The following CDH11 variants were observed in gnomAD, a reference collection of about 807,000 sequenced individuals.
CDH11 encodes cadherin 11, also known as cadherin-11.
Under a neutral mutation model 67.8 loss-of-function variants are expected in CDH11, and 11 were observed. That is an observed-to-expected ratio of 0.16 (90% CI 0.10 to 0.27). The LOEUF (loss-of-function observed/expected upper bound fraction) is 0.27, where lower values mean the gene tolerates loss of function less well. Ranked by LOEUF, CDH11 falls within the 10% of genes least tolerant of loss-of-function variation. The pLI is 1.00. For synonymous variants in CDH11, 419 were observed against 400.0 expected (o/e 1.05, Z -0.57); for missense variants, 847 against 1,031.2 (o/e 0.82, Z 2.45).
chr16:65,100,389 T>C (rs2074969496), intron 1 of CDH11, among the ~76,000 whole-genome samples: 1 of 151,708 alleles, frequency 6.6e-6, no homozygotes, highest in African/African-American at 2.4e-5. Flanking sequence ...CTGAGATGAG[T>C]GACCAACCAA....
In CDH11 at chr16:65,119,809, A is replaced by G. The variant is rs577907436; in HGVS notation, c.-298+2071T>C. Among the ~76,000 whole-genome samples the G allele has an allele frequency of 1.1e-4, 16 of 152,370 alleles. 1 individual carries two copies. The East Asian group carries it at 3.1e-3, about 29-fold the overall frequency. ...TTAATGTCTTAATTTACAATGTTTCAAAAGTAAGATGTAAAGATAATCCTT... is the reference window on the plus strand; with the variant it reads ...TTAATGTCTTAATTTACAATGTTTCGAAAGTAAGATGTAAAGATAATCCTT... On this transcript the variant is annotated intron_variant, in intron 1 of 12. Transcript: ENST00000268603.
chr16:65,019,544 G>A (rs257487), intron 2 of CDH11, among the ~76,000 whole-genome samples: 40,451 of 151,964 alleles, frequency 0.27, 6,092 homozygotes, highest in Non-Finnish European at 0.35. Context: ...TAACACTAAA[G>A]CTAATTTTAA....
At chr16:65,075,830 A>G (rs1450659058) in intron 1 of CDH11, among the ~76,000 whole-genome samples, 2 of 152,220 alleles carry the variant, frequency 1.3e-5, no homozygotes, top group Non-Finnish European at 2.9e-5. Context: ...CTCTCTTACC[A>G]AGTTATCTCA....
chr16:65,033,237 A>AACACAC (rs57645922), intron 2 of CDH11, among the ~76,000 whole-genome samples: 1,903 of 139,564 alleles, frequency 0.014, 25 homozygotes, highest in African/African-American at 0.028. Context: ...AAACTAGGAA[A>AACACAC]ACACACACAC....
intron 2 of CDH11, among the ~76,000 whole-genome samples, chr16:65,042,437 A>C (rs2073882924): frequency 6.6e-6 from 1 of 152,108 alleles, no homozygotes; most frequent in Non-Finnish European, 1.5e-5. Context: ...GTGTGTGAGG[A>C]GACTTCCAAG....
intron 2 of CDH11, among the ~76,000 whole-genome samples, chr16:65,052,945 G>A (rs1041737868): frequency 1.1e-4 from 17 of 152,226 alleles, no homozygotes; most frequent in African/African-American, 2.4e-4. Flanking sequence ...AAAGTATTCC[G>A]TCCATGTTTC....
intron 12 of CDH11, 138 bp downstream of exon 12, chr16:64,950,629 A>AC: frequency 1.5e-5 from 12 of 796,178 alleles, no homozygotes; most frequent in South Asian, 7.8e-5. Flanking sequence ...CCGCCCCCGT[A>AC]CCCCACTTCT....
At chr16:65,030,009 A>T (rs1378931549) in intron 2 of CDH11, among the ~76,000 whole-genome samples, 3 of 152,230 alleles carry the variant, frequency 2.0e-5, no homozygotes, top group Non-Finnish European at 4.4e-5. Flanking sequence ...AGAAATAATC[A>T]TCACAAATTT....
chr16:65,078,576 T>C (rs2074556273), intron 1 of CDH11, among the ~76,000 whole-genome samples: 1 of 152,174 alleles, frequency 6.6e-6, no homozygotes, highest in African/African-American at 2.4e-5. Flanking sequence ...GCCAGAACTT[T>C]CCAGAAACTT....
chr16:64,948,755 T>C (rs2071265716), intron 12 of CDH11: 1 of 1,602,342 alleles, frequency 6.2e-7, no homozygotes, highest in South Asian at 1.1e-5. Flanking sequence ...ATGTCTTCCC[T>C]GGGAGAGGGG....
At chr16:65,104,570 GT>G in intron 1 of CDH11, among the ~76,000 whole-genome samples, 1 of 152,198 alleles carries the variant, frequency 6.6e-6, no homozygotes, top group East Asian at 1.9e-4. Context: ...ACAGAAGCAT[GT>G]AATATACACA....
At chr16:64,980,805 G>A (rs2072313453) in intron 8 of CDH11, among the ~76,000 whole-genome samples, 1 of 152,132 alleles carries the variant, frequency 6.6e-6, no homozygotes, top group Non-Finnish European at 1.5e-5. Flanking sequence ...TTCATGCAGA[G>A]AGGTAAATGA....
At chr16:64,968,990 T>G (rs1005179688) in intron 11 of CDH11, among the ~76,000 whole-genome samples, 3 of 152,220 alleles carry the variant, frequency 2.0e-5, no homozygotes, top group Admixed American at 6.5e-5. Context: ...ATTAACTGTT[T>G]GCCATAGTTA....
chr16:64,972,692 G>A (rs529729880), intron 9 of CDH11, among the ~76,000 whole-genome samples: 103 of 152,140 alleles, frequency 6.8e-4, no homozygotes, highest in Non-Finnish European at 1.2e-3. Context: ...CTCTTGCCAA[G>A]TCTATACCCA....
Position 64,950,965 on chromosome 16 carries a change from C to T in CDH11, c.1696G>A (p.Asp566Asn). The change falls in exon 12 of 13, where the codon GAC becomes AAC. Residue 566 changes from aspartate (D) to asparagine (N), a missense_variant. Asp to Asn is a conservative substitution (Grantham distance 23, BLOSUM62 1). Transcript: ENST00000268603. ...ATCACTATGGGCAGAAGGTACAAGT[C>T]CTGCTTCTGCCGACTGAACCCTCCA... ...RRGGFSRQKQ[D>N]LYLLPIVISD... The T allele has an allele frequency of 1.2e-6, 2 of 1,614,110 alleles. No homozygotes were observed. Among genetic ancestry groups the T allele is most frequent in the South Asian group, 1.1e-5 (1 of 91,082 alleles).
In CDH11 at chr16:64,944,709, C is replaced by A. The variant is rs1390663154; in HGVS notation, c.*2894G>T. The A allele has an allele frequency of 8.6e-6, 2 of 231,884 alleles. No homozygotes were observed. Among genetic ancestry groups the A allele is most frequent in the East Asian group, 1.2e-4 (2 of 16,408 alleles). 14.4% of individuals were successfully genotyped at this position (231,884 alleles called of 1,614,324 possible). A position where few individuals can be genotyped will look rare whatever the true frequency, so the allele number is the denominator to read the frequency against. ...ACTCTTTTATCTTCCCTGTCACCCCCAGAAACCCAGGCCTAAAAGAAATAA... is the reference window on the plus strand; with the variant it reads ...ACTCTTTTATCTTCCCTGTCACCCCAAGAAACCCAGGCCTAAAAGAAATAA... On this transcript the variant is annotated 3_prime_UTR_variant, in exon 13 of 13. Coordinates refer to ENST00000268603, the MANE Select transcript of CDH11 (RefSeq NM_001797.4).
chr16:65,091,351 A>T (rs2074789605), intron 1 of CDH11, among the ~76,000 whole-genome samples: 1 of 152,196 alleles, frequency 6.6e-6, no homozygotes, highest in Non-Finnish European at 1.5e-5. Context: ...TTATTGTAAA[A>T]TCTCAGCAGA....
chr16:65,026,021 G>T (rs935207394), intron 2 of CDH11, among the ~76,000 whole-genome samples: 4 of 152,178 alleles, frequency 2.6e-5, no homozygotes, highest in African/African-American at 9.7e-5. Context: ...TGAAAATGGA[G>T]CAATCATGGG....
chr16:64,980,998 C>T (rs1292441321), intron 8 of CDH11: 2 of 152,096 alleles, frequency 1.3e-5, no homozygotes, highest in Non-Finnish European at 2.9e-5. Flanking sequence ...TCCTTCTTAT[C>T]ACCCTCTCAT....
Sources: allele counts gnomAD v4.1 joint callset (sites outside exome capture counted in the v4.1 genomes callset), GRCh38; gene constraint gnomAD v4.1.1; transcripts MANE v1.5; gene names NCBI Gene and HGNC (gene_info 2026-07-23, HGNC 2026-07-21).